Variants in TPRG1 observed in about 807,000 individuals in gnomAD.
The protein encoded by TPRG1 is tumor protein p63-regulated gene 1 protein.
TPRG1 carries 29 observed loss-of-function variants against 29.3 expected under a neutral mutation model. The ratio of observed to expected loss-of-function variants is 0.99; its 90% CI spans 0.74 to 1.35. The LOEUF (loss-of-function observed/expected upper bound fraction) is 1.35. Among genes scored for constraint, TPRG1 ranks in the 40% most tolerant of loss-of-function variants. The pLI is 0.00. For missense variants in TPRG1, 327 were observed against 335.0 expected (o/e 0.98, Z 0.19); for synonymous variants, 130 against 116.8 (o/e 1.11, Z -0.73).
chr3:189,190,314 A>G (rs1731503625), intron 1 of TPRG1, among the ~76,000 whole-genome samples: 1 of 152,196 alleles, frequency 6.6e-6, no homozygotes, highest in Non-Finnish European at 1.5e-5. Flanking sequence ...AAGCATGTTC[A>G]CAGGTGATGT....
intron 4 of TPRG1, among the ~76,000 whole-genome samples, chr3:189,250,515 C>CCCCG (rs1553931592): frequency 9.4e-6 from 1 of 106,742 alleles, no homozygotes; most frequent in South Asian, 5.0e-4. Flanking sequence ...CCCCCCCCCC[C>CCCCG]CCACCCAGAT....
chr3:189,155,794 T>C (rs927453046), intron 5 of TPRG1, among the ~76,000 whole-genome samples: 3 of 152,176 alleles, frequency 2.0e-5, no homozygotes, highest in African/African-American at 4.8e-5. Flanking sequence ...ATTGAACTCA[T>C]AGAAGCAGAG....
chr3:189,028,508 A>G (rs1713776781), intron 4 of TPRG1, among the ~76,000 whole-genome samples: 1 of 152,206 alleles, frequency 6.6e-6, no homozygotes, highest in African/African-American at 2.4e-5. Flanking sequence ...TGGTTCTGTC[A>G]TATCTGAGAT....
intron 5 of TPRG1, among the ~76,000 whole-genome samples, chr3:189,161,109 A>T (rs996805222): frequency 6.6e-6 from 1 of 152,252 alleles, no homozygotes. Context: ...ATGTGTTCAA[A>T]GTACCTGTTA....
chr3:189,170,291 C>G (rs1728662514), upstream of TPRG1, among the ~76,000 whole-genome samples: 1 of 152,160 alleles, frequency 6.6e-6, no homozygotes, highest in South Asian at 2.1e-4. Flanking sequence ...CTGTAAAACT[C>G]TCTTTTCAGC....
intron 1 of TPRG1, among the ~76,000 whole-genome samples, chr3:189,122,169 C>A (rs547147159): frequency 6.6e-6 from 1 of 151,864 alleles, no homozygotes; most frequent in Non-Finnish European, 1.5e-5. Flanking sequence ...ACTTTCTCTC[C>A]GACGTCTTTT....
intron 4 of TPRG1, among the ~76,000 whole-genome samples, chr3:189,282,254 A>C (rs1717281792): frequency 6.7e-6 from 1 of 149,210 alleles, no homozygotes; most frequent in Admixed American, 6.7e-5. Context: ...AGGTAGTGGA[A>C]TCTTAGGCAT....
intron 1 of TPRG1, among the ~76,000 whole-genome samples, chr3:189,194,014 G>A (rs1732138014): frequency 6.6e-6 from 1 of 150,456 alleles, no homozygotes; most frequent in Non-Finnish European, 1.5e-5. Context: ...TGCTGTCTGT[G>A]CATATGGTCA....
chr3:189,144,714 C>T lies in TPRG1; in HGVS notation c.-290-2870C>T, dbSNP rs932110858. 6.6e-5 allele frequency among the ~76,000 whole-genome samples: 9 copies of T among 135,702 alleles called. No homozygotes were observed. The Admixed American group carries it at 7.4e-4, about 11-fold the overall frequency. 89.0% of individuals were successfully genotyped at this position (135,702 alleles called of 152,430 possible). On this transcript the variant is annotated intron_variant, in intron 3 of 6. Transcript: ENST00000412373. Reference sequence around the variant, plus strand: ...ATTCATGGGTATTTTGAAGAAAAGACACTGATCACTAGAAGTTAATAGGAG... The same window carrying T: ...ATTCATGGGTATTTTGAAGAAAAGATACTGATCACTAGAAGTTAATAGGAG...
intron 4 of TPRG1, among the ~76,000 whole-genome samples, chr3:189,072,391 A>C (rs1716862349): frequency 6.6e-6 from 1 of 152,022 alleles, no homozygotes; most frequent in African/African-American, 2.4e-5. Flanking sequence ...TTTGTTTTTT[A>C]TATTATTGAT....
chr3:189,079,090 C>CAGAAAAGG (rs1717414688), intron 4 of TPRG1, among the ~76,000 whole-genome samples: 1 of 151,970 alleles, frequency 6.6e-6, no homozygotes, highest in African/African-American at 2.4e-5. Context: ...CCAATTATGG[C>CAGAAAAGG]AGAAAAGGAA....
intron 1 of TPRG1, among the ~76,000 whole-genome samples, chr3:189,183,199 T>C (rs1272477985): frequency 6.6e-6 from 1 of 152,102 alleles, no homozygotes; most frequent in African/African-American, 2.4e-5. Context: ...AGACATCACA[T>C]GTCGGTAGGT....
chr3:189,302,454 A>T (rs1348462775), intron 4 of TPRG1, among the ~76,000 whole-genome samples: 1 of 152,210 alleles, frequency 6.6e-6, no homozygotes. Context: ...GTTATACCCT[A>T]AAAGGTTTGA....
intron 1 of TPRG1, among the ~76,000 whole-genome samples, chr3:189,180,612 G>C (rs1343221105): frequency 6.6e-6 from 1 of 152,200 alleles, no homozygotes; most frequent in Non-Finnish European, 1.5e-5. Context: ...TGATGCAAGA[G>C]GTAGGTTCCA....
At chr3:189,040,838 G>C (rs1430493644) in intron 4 of TPRG1, among the ~76,000 whole-genome samples, 1 of 152,140 alleles carries the variant, frequency 6.6e-6, no homozygotes, top group Non-Finnish European at 1.5e-5. Flanking sequence ...GTCAAAGGGT[G>C]GTCCTCAGTG....
At chr3:189,286,814 C>A (rs758192732) in intron 4 of TPRG1, among the ~76,000 whole-genome samples, 3 of 152,086 alleles carry the variant, frequency 2.0e-5, no homozygotes, top group African/African-American at 4.8e-5. Context: ...CAGCAGGCTT[C>A]CTTGGTAGCT....
intron 4 of TPRG1, among the ~76,000 whole-genome samples, chr3:189,278,381 T>C (rs1037982929): frequency 1.3e-5 from 2 of 152,062 alleles, no homozygotes; most frequent in African/African-American, 2.4e-5. Context: ...GCCTGTGTCT[T>C]CTAACCCAGT....
chr3:189,168,376 CCTT>C (rs1728405873), upstream of TPRG1, among the ~76,000 whole-genome samples: 1 of 152,268 alleles, frequency 6.6e-6, no homozygotes, highest in East Asian at 1.9e-4. Context: ...TTTTGTTTCT[CCTT>C]CTCTGAAATG....
At position 189,037,134 on chromosome 3, in the gene TPRG1, C is replaced by T. The variant is rs1054352805; in HGVS notation, c.-463+13188C>T. ...ATAGAAAAGGCCAAAGTGCCTTAAT[C>T]ATTCTTTGATACTCATGAAACAGTA... On this transcript the variant is annotated intron_variant, in intron 4 of 10. Coordinates refer to the TPRG1 transcript ENST00000433971. 2.6e-5 allele frequency among the ~76,000 whole-genome samples: 4 copies of T among 151,254 alleles called. No homozygotes were observed. In the East Asian group the frequency reaches 5.8e-4, roughly 22 times the overall value.
Sources: gnomAD v4.1 joint callset for allele counts (sites outside exome capture counted in the v4.1 genomes callset) on GRCh38, gnomAD v4.1.1 for gene constraint, MANE v1.5 for transcripts, NCBI Gene and HGNC (gene_info 2026-07-23, HGNC 2026-07-21) for gene names.